The following EXT2 variants were observed in gnomAD, a reference collection of about 807,000 sequenced individuals.
EXT2 encodes the protein exostosin-2.
A neutral mutation model predicts 81.6 loss-of-function variants in EXT2; 53 were observed. The observed-to-expected ratio is 0.65, with a 90% CI of 0.52 to 0.82. The LOEUF (loss-of-function observed/expected upper bound fraction) is 0.82, where lower values mean the gene tolerates loss of function less well. EXT2 is among the 40% of genes least tolerant of loss of function. The pLI is 0.00. For missense variants in EXT2, 774 were observed against 910.2 expected (o/e 0.85, Z 1.93); for synonymous variants, 320 against 340.0 (o/e 0.94, Z 0.65).
chr11:44,191,771 G>A (rs1221436032), intron 8 of EXT2, among the ~76,000 whole-genome samples: 1 of 152,154 alleles, frequency 6.6e-6, no homozygotes, highest in Non-Finnish European at 1.5e-5. Context: ...CCTTACCCTA[G>A]TGGGGTGGAG....
intron 7 of EXT2, among the ~76,000 whole-genome samples, chr11:44,152,458 C>T (rs768996200): frequency 2.6e-5 from 4 of 152,094 alleles, no homozygotes; most frequent in Non-Finnish European, 5.9e-5. Flanking sequence ...TCAAGCAGTT[C>T]TCATGCCTCA....
intron 10 of EXT2, among the ~76,000 whole-genome samples, chr11:44,225,899 G>C (rs979091607): frequency 1.2e-4 from 19 of 152,198 alleles, no homozygotes; most frequent in Admixed American, 5.2e-4. Flanking sequence ...GTGGTCATCA[G>C]CTCCAACTGC....
rs779538238 is a variant in EXT2, at chr11:44,114,146, C to T, written c.627-39C>T. On this transcript the variant is annotated intron_variant, in intron 3 of 13. Transcript: ENST00000533608. ...CCACAGTGTGTATCAGAATAAAGTC[C>T]TTTCTTTCTCATCGTTTAACAAAAT... The T allele has an allele frequency of 4.0e-6, 6 of 1,501,624 alleles. No homozygotes were observed. In the African/African-American group the frequency reaches 5.5e-5, roughly 14 times the overall value. 93.0% of individuals were successfully genotyped at this position (1,501,624 alleles called of 1,614,324 possible).
At chr11:44,128,105 G>A (rs548812594) in intron 6 of EXT2, among the ~76,000 whole-genome samples, 8 of 152,120 alleles carry the variant, frequency 5.3e-5, no homozygotes, top group Non-Finnish European at 1.2e-4. Flanking sequence ...GATCACCACA[G>A]GTATTTGAAC....
intron 7 of EXT2, among the ~76,000 whole-genome samples, chr11:44,132,699 T>C (rs1954510718): frequency 6.6e-6 from 1 of 152,170 alleles, no homozygotes; most frequent in Admixed American, 6.5e-5. Flanking sequence ...CCTCTAGTGG[T>C]GAACAGTCCA....
At chr11:44,244,020 G>A (rs1399878970) in intron 13 of EXT2, 129 bp from the exon 14 acceptor site, 4 of 874,328 alleles carry the variant, frequency 4.6e-6, no homozygotes, top group South Asian at 1.4e-5. Context: ...AGCTTTTTTT[G>A]TTGATGTTGA....
At chr11:44,119,726 C>A (rs1019948009) in intron 4 of EXT2, among the ~76,000 whole-genome samples, 1 of 152,210 alleles carries the variant, frequency 6.6e-6, no homozygotes, top group African/African-American at 2.4e-5. Context: ...TATAAGCAAG[C>A]CTTTCTAAGG....
In EXT2 at chr11:44,235,116, C is replaced by G. The variant is rs368478210; in HGVS notation, c.1935+873C>G. Among the ~76,000 whole-genome samples, 28 of 152,070 alleles carry G rather than the reference C, an allele frequency of 1.8e-4. 1 individual carries two copies. In the East Asian group the frequency reaches 1.9e-3, roughly 10 times the overall value. ...CACCAAACTTGCCCCAGTTCACACC[C>G]TGTCCCCCAGCTCTCTAAATAACTC... On this transcript the variant is annotated intron_variant, in intron 12 of 13. Coordinates refer to ENST00000533608, the MANE Select transcript of EXT2 (RefSeq NM_207122.2).
At chr11:44,122,276 C>T (rs754600789) in intron 4 of EXT2, among the ~76,000 whole-genome samples, 1 of 152,108 alleles carries the variant, frequency 6.6e-6, no homozygotes, top group Non-Finnish European at 1.5e-5. Flanking sequence ...GAAAAATCAC[C>T]AACTTACAAG....
chr11:44,151,970 A>T (rs753824744), intron 7 of EXT2, among the ~76,000 whole-genome samples: 2 of 152,152 alleles, frequency 1.3e-5, no homozygotes, highest in Non-Finnish European at 2.9e-5. Flanking sequence ...ATGATATGTG[A>T]TATTGAACAT....
intron 5 of EXT2, among the ~76,000 whole-genome samples, chr11:44,125,770 G>C (rs985703863): frequency 6.6e-6 from 1 of 152,026 alleles, no homozygotes; most frequent in Admixed American, 6.6e-5. Context: ...GGAATGTCTG[G>C]CTGGTAACAG....
intron 8 of EXT2, among the ~76,000 whole-genome samples, chr11:44,182,663 A>G (rs1320367847): frequency 1.3e-5 from 2 of 152,102 alleles, no homozygotes; most frequent in Non-Finnish European, 2.9e-5. Context: ...GTACATGTGT[A>G]TGTGTATTTT....
chr11:44,126,733 A>G (rs1188852727), intron 5 of EXT2, 83 bp from the exon 6 acceptor site: 5 of 1,586,366 alleles, frequency 3.2e-6, no homozygotes, highest in Non-Finnish European at 3.5e-6. Context: ...CAACCCTTGT[A>G]GAAACTTTGT....
At chr11:44,188,447 C>G (rs1222112335) in intron 8 of EXT2, among the ~76,000 whole-genome samples, 2 of 152,092 alleles carry the variant, frequency 1.3e-5, no homozygotes, top group African/African-American at 2.4e-5. Context: ...CAATCACAAG[C>G]CACCCCCACA....
intron 10 of EXT2, among the ~76,000 whole-genome samples, chr11:44,218,576 A>G (rs1431403152): frequency 6.6e-6 from 1 of 152,168 alleles, no homozygotes; most frequent in African/African-American, 2.4e-5. Context: ...TGGAAAATCT[A>G]TAGACTTAGT....
Position 44,248,099 on chromosome 11 carries a change from T to C in EXT2, c.*3812T>C, listed in dbSNP as rs1490065338. ...GAGACTTCCCATCAGCCACCCATCA[T>C]GAGCCTGGTGTGTTTCCTTTGCTTT... is the stretch of plus-strand genomic sequence containing the variant. On this transcript the variant is annotated 3_prime_UTR_variant, in exon 14 of 14. Transcript: ENST00000533608. Among the ~76,000 whole-genome samples, 1 of 152,204 alleles carries C rather than the reference T, an allele frequency of 6.6e-6. No individual in the cohort carries two copies. The highest frequency in any genetic ancestry group is 1.5e-5 in the Non-Finnish European group (1 of 68,028).
rs991078539 is a variant in EXT2 at position 44,220,407 on chromosome 11, A to G, written c.1663-11946A>G. The stretch of plus-strand genomic sequence containing the variant: ...ATAATGTCAGTACAGTATTGAAAAG[A>G]GCATATCTCTGTCTGTTACCTCCAT... On this transcript the variant is annotated intron_variant, in intron 10 of 13. Coordinates refer to ENST00000533608, the MANE Select transcript of EXT2 (RefSeq NM_207122.2). This position sits in a 1 kb window ranked among gnomAD's most constrained non-coding sequence, Gnocchi z 4.4. Among the ~76,000 whole-genome samples the G allele has an allele frequency of 3.3e-5, 5 of 152,160 alleles. No homozygotes were observed. Among genetic ancestry groups the G allele is most frequent in the African/African-American group, 1.2e-4 (5 of 41,424 alleles).
Position 44,119,167 on chromosome 11 carries a change from T to TATAC in EXT2, c.743+4868_743+4871dup, listed in dbSNP as rs1296500700. On this transcript the variant is annotated intron_variant, in intron 4 of 13. Transcript: ENST00000533608. ...ATATATATATATATATATATATATATATACACATACACACACACACACACA... is the reference window on the plus strand; with the variant it reads ...ATATATATATATATATATATATATATATACATACACATACACACACACACACACA... 9.1e-5 allele frequency among the ~76,000 whole-genome samples: 4 copies of TATAC among 44,090 alleles called. 1 individual carries two copies. The highest frequency in any genetic ancestry group is 6.6e-4 in the South Asian group (1 of 1,518). The allele number at this position is 44,090 out of a possible 152,430, so 28.9% of individuals were successfully genotyped here.
chr11:44,132,709 A>T (rs1390358109), intron 7 of EXT2, among the ~76,000 whole-genome samples: 1 of 152,078 alleles, frequency 6.6e-6, no homozygotes, highest in African/African-American at 2.4e-5. Flanking sequence ...TGAACAGTCC[A>T]CTATGCCAGC....
Sources: allele counts gnomAD v4.1 joint callset (sites outside exome capture counted in the v4.1 genomes callset), GRCh38; gene constraint gnomAD v4.1.1; non-coding constraint Gnocchi (gnomAD v3.1); transcripts MANE v1.5; gene names NCBI Gene and HGNC (gene_info 2026-07-23, HGNC 2026-07-21).